The following EXOC4 variants were observed in gnomAD, a reference collection of about 807,000 sequenced individuals.
EXOC4 encodes SEC8-like 1.
A neutral mutation model predicts 107.2 loss-of-function variants in EXOC4; 71 were observed. That is an observed-to-expected ratio of 0.66 (90% CI 0.55 to 0.81). The LOEUF is 0.81. EXOC4 is among the 30% of genes least tolerant of loss of function. EXOC4 has a pLI of 0.00. For missense variants in EXOC4, 1,108 were observed against 1,189.6 expected (o/e 0.93, Z 1.01); for synonymous variants, 456 against 441.2 (o/e 1.03, Z -0.42).
At chr7:133,972,844 A>T (rs1433586459) in intron 14 of EXOC4, among the ~76,000 whole-genome samples, 3 of 152,254 alleles carry the variant, frequency 2.0e-5, no homozygotes, top group Admixed American at 2.0e-4. Context: ...CTTCCATATT[A>T]TATTCCCTGG....
chr7:133,542,532 AT>A (rs993754496), intron 9 of EXOC4, among the ~76,000 whole-genome samples: 7 of 152,210 alleles, frequency 4.6e-5, no homozygotes, highest in African/African-American at 1.4e-4. Flanking sequence ...TTAGGGTAAT[AT>A]TTTTAGGTTT....
At chr7:133,949,054 A>T (rs1415967720) in intron 14 of EXOC4, among the ~76,000 whole-genome samples, 1 of 152,198 alleles carries the variant, frequency 6.6e-6, no homozygotes, top group Non-Finnish European at 1.5e-5. Flanking sequence ...CTTTAAAAGG[A>T]GGAGTGGAGA....
chr7:133,521,608 T>C (rs560714678), intron 9 of EXOC4, among the ~76,000 whole-genome samples: 98 of 152,200 alleles, frequency 6.4e-4, no homozygotes, highest in Non-Finnish European at 1.3e-3. Context: ...GTTCCGTGTT[T>C]TTTTTTTGTT....
At chr7:133,350,702 G>T (rs370889583) in intron 5 of EXOC4, among the ~76,000 whole-genome samples, 1 of 151,962 alleles carries the variant, frequency 6.6e-6, no homozygotes, top group African/African-American at 2.4e-5. Context: ...ATTTCAGGAT[G>T]GTCTCTCTCT....
At chr7:133,714,105 T>C (rs1044284255) in intron 10 of EXOC4, among the ~76,000 whole-genome samples, 14 of 152,094 alleles carry the variant, frequency 9.2e-5, no homozygotes, top group Non-Finnish European at 1.3e-4. Context: ...CAGTACTAGG[T>C]AGAAGCTTTC....
At position 134,013,966 on chromosome 7, in the gene EXOC4, T is replaced by C. The variant is rs79409146; in HGVS notation, c.2687+6131T>C. On this transcript the variant is annotated intron_variant, in intron 17 of 17. Transcript: ENST00000253861. ...AGAAATGTAAAATGGTGCAGCTGCATCATTTCCTCAAAAAGTTAAACATAG... is the reference window on the plus strand; with the variant it reads ...AGAAATGTAAAATGGTGCAGCTGCACCATTTCCTCAAAAAGTTAAACATAG... Among the ~76,000 whole-genome samples, 776 of 152,272 alleles carry C rather than the reference T, an allele frequency of 5.1e-3. 5 individuals carry two copies. The highest frequency in any genetic ancestry group is 0.017 in the African/African-American group (712 of 41,558).
rs573979615 is a variant in EXOC4, at chr7:133,439,549, G to A, written c.1183-35779G>A. On this transcript the variant is annotated intron_variant, in intron 7 of 17. Transcript: ENST00000253861. Reference sequence around the variant, plus strand: ...CTCCCAACTTCAGAGATGTTAAAATGTGAAATAATATGTATCATATATCCA... The same window carrying A: ...CTCCCAACTTCAGAGATGTTAAAATATGAAATAATATGTATCATATATCCA... Among the ~76,000 whole-genome samples the A allele has an allele frequency of 2.0e-5, 3 of 152,152 alleles. No homozygotes were observed. The East Asian group carries it at 5.8e-4, about 29-fold the overall frequency.
intron 9 of EXOC4, among the ~76,000 whole-genome samples, chr7:133,488,596 A>G (rs1799313537): frequency 6.6e-6 from 1 of 152,200 alleles, no homozygotes; most frequent in Admixed American, 6.6e-5. Flanking sequence ...ATAGGAAAAA[A>G]ACAAAGAAAT....
chr7:133,880,857 T>C (rs1004877244), intron 11 of EXOC4, among the ~76,000 whole-genome samples: 10 of 152,172 alleles, frequency 6.6e-5, no homozygotes, highest in Non-Finnish European at 1.3e-4. Context: ...ATTTTCCATG[T>C]TTTTATTGGC....
At chr7:133,516,032 A>G (rs184882369) in intron 9 of EXOC4, among the ~76,000 whole-genome samples, 28 of 152,294 alleles carry the variant, frequency 1.8e-4, no homozygotes, top group African/African-American at 5.5e-4. Flanking sequence ...CCATTGCTCA[A>G]TGGCAGTGCT....
intron 9 of EXOC4, among the ~76,000 whole-genome samples, chr7:133,534,461 C>T (rs1216409496): frequency 1.3e-5 from 2 of 152,138 alleles, no homozygotes; most frequent in African/African-American, 4.8e-5. Flanking sequence ...AGCAGCAAAT[C>T]TGAACTTGCT....
chr7:133,380,791 C>G (rs906184706), intron 7 of EXOC4, among the ~76,000 whole-genome samples: 8 of 152,076 alleles, frequency 5.3e-5, no homozygotes, highest in African/African-American at 1.9e-4. Context: ...CATACATGTA[C>G]CAATGGCATA....
At chr7:133,820,154 ATTTTTTTT>A (rs35640945) in intron 11 of EXOC4, among the ~76,000 whole-genome samples, 42 of 70,286 alleles carry the variant, frequency 6.0e-4, no homozygotes, top group Admixed American at 1.6e-3. Context: ...CACCTGCTTC[ATTTTTTTT>A]TTTTTTTTTT....
chr7:133,263,867 CT>C (rs1298258656), intron 1 of EXOC4, among the ~76,000 whole-genome samples: 1 of 152,052 alleles, frequency 6.6e-6, no homozygotes, highest in African/African-American at 2.4e-5. Context: ...TCCCTCTCCC[CT>C]AGACACTTTA....
At chr7:133,313,402 C>A (rs1794921040) in intron 4 of EXOC4, among the ~76,000 whole-genome samples, 1 of 152,146 alleles carries the variant, frequency 6.6e-6, no homozygotes, top group Non-Finnish European at 1.5e-5. Context: ...TTTCTTAGCT[C>A]AGTTTGATTT....
intron 10 of EXOC4, among the ~76,000 whole-genome samples, chr7:133,665,002 G>A (rs1291367855): frequency 5.3e-5 from 8 of 152,118 alleles, no homozygotes; most frequent in Non-Finnish European, 1.2e-4. Flanking sequence ...AGTGGTGGGG[G>A]AATCTCTACT....
intron 3 of EXOC4, among the ~76,000 whole-genome samples, chr7:133,297,574 T>A (rs1375575787): frequency 6.6e-6 from 1 of 152,210 alleles, no homozygotes; most frequent in African/African-American, 2.4e-5. Context: ...TTAGTATCCT[T>A]ATCTGTAGAA....
At chr7:133,729,111 G>A (rs1373224283) in intron 10 of EXOC4, among the ~76,000 whole-genome samples, 1 of 152,088 alleles carries the variant, frequency 6.6e-6, no homozygotes, top group African/African-American at 2.4e-5. Context: ...TTGGTTCTCA[G>A]ATAATGTTGG....
chr7:133,596,773 C>T (rs919180097), intron 9 of EXOC4, among the ~76,000 whole-genome samples: 7 of 152,150 alleles, frequency 4.6e-5, no homozygotes, highest in East Asian at 3.9e-4. Flanking sequence ...CCACTCAAGA[C>T]GTTCAGAGCC....
Sources: allele counts gnomAD v4.1 joint callset (sites outside exome capture counted in the v4.1 genomes callset), GRCh38; gene constraint gnomAD v4.1.1; transcripts MANE v1.5; gene names NCBI Gene and HGNC (gene_info 2026-07-23, HGNC 2026-07-21).